The following ZGRF1 variants were observed in gnomAD, a reference collection of about 807,000 sequenced individuals.
ZGRF1 encodes 5'-3' DNA helicase ZGRF1.
In ZGRF1, 196 loss-of-function variants were observed where a neutral mutation model predicts 203.5. That is an observed-to-expected ratio of 0.96 (90% CI 0.86 to 1.08). The LOEUF (loss-of-function observed/expected upper bound fraction) is 1.08. Ranked by LOEUF, ZGRF1 falls within the 50% of genes least tolerant of loss-of-function variation. The pLI is 0.00. For missense variants in ZGRF1, 2,326 were observed against 2,416.3 expected, an observed-to-expected ratio of 0.96 and a Z score of 0.78; for synonymous variants, 809 against 841.3, an observed-to-expected ratio of 0.96 and a Z score of 0.66.
chr4:112,541,004 A>G, intron 25 of ZGRF1, 49 bp from the exon 26 acceptor site: 2 of 1,550,158 alleles, frequency 1.3e-6, no homozygotes, highest in Non-Finnish European at 1.7e-6. Context: ...AAGGCTATGG[A>G]AAAACCAAGT....
chr4:112,598,376 T>C (rs1245054791), intron 10 of ZGRF1, among the ~76,000 whole-genome samples: 3 of 151,900 alleles, frequency 2.0e-5, no homozygotes, highest in Non-Finnish European at 2.9e-5. Flanking sequence ...AAACCCAAAG[T>C]TATAAAGGGA....
At chr4:112,587,221 T>C in intron 12 of ZGRF1, 59 bp downstream of exon 12, 3 of 1,491,186 alleles carry the variant, frequency 2.0e-6, no homozygotes, top group Non-Finnish European at 2.7e-6. Context: ...AATTCTTTTG[T>C]TGAAATTCAG....
intron 16 of ZGRF1, among the ~76,000 whole-genome samples, chr4:112,567,699 G>A (rs1362968212): frequency 6.6e-6 from 1 of 152,118 alleles, no homozygotes; most frequent in Non-Finnish European, 1.5e-5. Flanking sequence ...GCTGAGTCAG[G>A]GGGATAACTT....
intron 16 of ZGRF1, among the ~76,000 whole-genome samples, chr4:112,567,100 G>A (rs2148921182): frequency 6.6e-6 from 1 of 152,294 alleles, no homozygotes; most frequent in South Asian, 2.1e-4. Context: ...ACATCTTAAT[G>A]TTGCTTTTTC....
rs944216369 is a variant in ZGRF1 at position 112,546,166 on chromosome 4, T to C, written c.5598+1119A>G. Among the ~76,000 whole-genome samples, 24 of 152,048 alleles carry C rather than the reference T, an allele frequency of 1.6e-4. No individual in the cohort carries two copies. In the South Asian group the frequency reaches 2.7e-3, roughly 17 times the overall value. On this transcript the variant is annotated intron_variant, in intron 24 of 27. Transcript: ENST00000505019. ...AGAAGACAGACACAAAAGGTACATA[T>C]TGTATGATTCCATTTATATAAAATA...
intron 20 of ZGRF1, among the ~76,000 whole-genome samples, chr4:112,556,436 G>C (rs779597059): frequency 2.6e-5 from 4 of 152,102 alleles, no homozygotes; most frequent in Admixed American, 2.6e-4. Context: ...TGTCACCCAG[G>C]CTAGAGTGCA....
intron 18 of ZGRF1, chr4:112,562,158 C>T: frequency 2.5e-6 from 1 of 400,472 alleles, no homozygotes. Context: ...ATCTGCCCAC[C>T]TCGGCCTCCC....
chr4:112,565,920 C>T (rs1381621801), intron 16 of ZGRF1, among the ~76,000 whole-genome samples: 3 of 152,136 alleles, frequency 2.0e-5, no homozygotes, highest in Non-Finnish European at 2.9e-5. Flanking sequence ...TAGTTCAACC[C>T]TGTGGAAGTC....
At chr4:112,541,382 T>C (rs1013947527) in intron 24 of ZGRF1, 114 bp from the exon 25 acceptor site, 24 of 463,956 alleles carry the variant, frequency 5.2e-5, no homozygotes, top group African/African-American at 4.5e-4. Flanking sequence ...GGAGATGAAT[T>C]ACAACCATGA....
chr4:112,598,126 A>G (rs1251121077), intron 10 of ZGRF1, among the ~76,000 whole-genome samples: 1 of 152,182 alleles, frequency 6.6e-6, no homozygotes, highest in Non-Finnish European at 1.5e-5. Context: ...CATGCTAGGA[A>G]GGCAGCAATG....
intron 4 of ZGRF1, among the ~76,000 whole-genome samples, chr4:112,622,202 G>A (rs943684502): frequency 2.0e-5 from 3 of 151,754 alleles, no homozygotes; most frequent in Non-Finnish European, 2.9e-5. Flanking sequence ...CATCATCATA[G>A]TATGCATTTT....
chr4:112,609,356 A>T, intron 8 of ZGRF1, 23 bp downstream of exon 8: 1 of 1,452,514 alleles, frequency 6.9e-7, no homozygotes, highest in Non-Finnish European at 9.3e-7. Context: ...CCCAGGGGCT[A>T]ATTTATATTT....
At chr4:112,543,297 A>T (rs1026686615) in intron 24 of ZGRF1, among the ~76,000 whole-genome samples, 1 of 152,100 alleles carries the variant, frequency 6.6e-6, no homozygotes, top group African/African-American at 2.4e-5. Context: ...CTCATCATAC[A>T]TGTTTTTATA....
chr4:112,579,761 T>G (rs1430413092), intron 16 of ZGRF1, among the ~76,000 whole-genome samples: 3 of 119,994 alleles, frequency 2.5e-5, no homozygotes, highest in East Asian at 2.5e-4. Context: ...CACTGCTCAA[T>G]GAAATAAAAG....
chr4:112,612,534 T>C lies in ZGRF1; in HGVS notation c.2657A>G (p.Asp886Gly), dbSNP rs758263161. 6.2e-7 allele frequency: 1 copy of C among 1,603,152 alleles called. No homozygotes were observed. Among genetic ancestry groups the C allele is most frequent in the Non-Finnish European group, 8.5e-7 (1 of 1,172,244 alleles). Residue 886 changes from aspartate to glycine, a missense_variant, in exon 7 of 28, where the codon GAT becomes GGT. Coordinates refer to ENST00000505019, the MANE Select transcript of ZGRF1 (RefSeq NM_018392.5). ...VSPKSPHLHK[D>G]SQQILKEDEV... ...AAAAAAAACCTGTACCTGTTGAGAA[T>C]CCTTGTGCAGATGAGGAGACTTTGG...
intron 2 of ZGRF1, 39 bp from the exon 3 acceptor site, chr4:112,632,049 TATATA>T: frequency 3.9e-6 from 4 of 1,027,708 alleles, no homozygotes; most frequent in Non-Finnish European, 5.6e-6. Context: ...TTTCCATTTA[TATATA>T]TTTAATGTTA....
Position 112,540,949 on chromosome 4 carries a change from T to C in ZGRF1, c.5782A>G (p.Arg1928Gly), listed in dbSNP as rs753547095. Residue 1928 changes from arginine to glycine, a missense_variant, in exon 26 of 28, where the codon AGA (arginine) becomes GGA (glycine). Coordinates refer to ENST00000505019, the MANE Select transcript of ZGRF1 (RefSeq NM_018392.5). ...GCCACATTATGAAAGCTGTTATCTCTTTCTATCTGGAGTAAGAAATAGATC... is the reference window on the plus strand; with the variant it reads ...GCCACATTATGAAAGCTGTTATCTCCTTCTATCTGGAGTAAGAAATAGATC... ...YNVKGLEQIE[R>G]DNSFHNVAEA... 1.3e-6 allele frequency: 2 copies of C among 1,568,342 alleles called. No homozygotes were observed. Among genetic ancestry groups the C allele is most frequent in the Admixed American group, 3.8e-5 (2 of 53,008 alleles).
intron 3 of ZGRF1, among the ~76,000 whole-genome samples, chr4:112,625,649 C>A (rs1304159238): frequency 6.7e-6 from 1 of 150,318 alleles, no homozygotes; most frequent in Non-Finnish European, 1.5e-5. Flanking sequence ...GTAATCCCAG[C>A]ACTTTGGGAG....
chr4:112,603,548 C>T lies in ZGRF1; in HGVS notation c.2952G>A (p.Thr984=), dbSNP rs779573353. The T allele has an allele frequency of 9.7e-5, 157 of 1,612,338 alleles. No homozygotes were observed. The highest frequency in any genetic ancestry group is 1.3e-4 in the Non-Finnish European group (149 of 1,179,230). ...CCTGCAAGAAGTCAATCTGCATACA[C>T]GTGCTAGGTAACTCTGGTGTCTCTG... ...FMTETPELPS[T]CMQIDFLQVT... The change falls in exon 10 of 28, where the codon ACG becomes ACA. Residue 984 remains threonine (T), a synonymous_variant. Transcript: ENST00000505019.
Sources: allele counts gnomAD v4.1 joint callset (sites outside exome capture counted in the v4.1 genomes callset), GRCh38; gene constraint gnomAD v4.1.1; transcripts MANE v1.5; gene names NCBI Gene and HGNC (gene_info 2026-07-23, HGNC 2026-07-21).